The following NID1 variants were observed in gnomAD, a reference collection of about 807,000 sequenced individuals.
NID1 encodes nidogen-1.
NID1 carries 76 observed loss-of-function variants against 130.6 expected under a neutral mutation model. The ratio of observed to expected loss-of-function variants is 0.58; its 90% CI spans 0.48 to 0.70. The LOEUF is 0.70. Ranked by LOEUF, NID1 falls within the 30% of genes least tolerant of loss-of-function variation. The pLI, the probability that NID1 is intolerant of heterozygous loss-of-function variation, is 0.00. For synonymous variants in NID1, 665 were observed against 675.1 expected, an observed-to-expected ratio of 0.98 and a Z score of 0.23; for missense variants, 1,517 against 1,664.8, an observed-to-expected ratio of 0.91 and a Z score of 1.54.
chr1:236,051,247 C>T lies in NID1; in HGVS notation c.226-2258G>A, dbSNP rs1445199938. Among the ~76,000 whole-genome samples the T allele has an allele frequency of 5.3e-5, 8 of 150,328 alleles. No homozygotes were observed. In the South Asian group the frequency reaches 1.7e-3, roughly 32 times the overall value. On this transcript the variant is annotated intron_variant, in intron 1 of 19. Coordinates refer to ENST00000264187, the MANE Select transcript of NID1 (RefSeq NM_002508.3). The stretch of plus-strand genomic sequence containing the variant: ...AGTGGATTTTCCAGGCCACTTATTT[C>T]CCTCCCCCTCCCCCTGCCCCTCCCC...
Position 235,977,439 on chromosome 1 carries a change from G to A in NID1, c.*428C>T, listed in dbSNP as rs873. On this transcript the variant is annotated 3_prime_UTR_variant, in exon 20 of 20. Coordinates refer to ENST00000264187, the MANE Select transcript of NID1 (RefSeq NM_002508.3). ...TCCCAACTTTTCCTAGTCAGGCCCC[G>A]GCTCATAGGTCAAGGAGCTGACAGG... The A allele has an allele frequency of 0.2, 31,215 of 158,250 alleles. 3,695 individuals are homozygous for A. Among genetic ancestry groups the A allele is most frequent in the East Asian group, 0.62 (3,287 of 5,312 alleles). 9.8% of individuals were successfully genotyped at this position (158,250 alleles called of 1,614,324 possible). A position where few individuals can be genotyped will look rare whatever the true frequency, so the allele number is the denominator to read the frequency against.
At chr1:236,013,815 T>G (rs1373641879) in intron 10 of NID1, among the ~76,000 whole-genome samples, 1 of 152,144 alleles carries the variant, frequency 6.6e-6, no homozygotes, top group African/African-American at 2.4e-5. Context: ...TGACCTCAGT[T>G]TCACTCTGGG....
At chr1:236,052,383 A>C (rs1659783866) in intron 1 of NID1, among the ~76,000 whole-genome samples, 1 of 152,172 alleles carries the variant, frequency 6.6e-6, no homozygotes, top group Admixed American at 6.5e-5. Context: ...CTCAGGCACA[A>C]TCCCCAAGGG....
intron 9 of NID1, among the ~76,000 whole-genome samples, chr1:236,020,823 C>T (rs370141756): frequency 2.0e-5 from 3 of 152,184 alleles, no homozygotes; most frequent in East Asian, 3.8e-4. Context: ...TCGCATTCCA[C>T]GGAGGTAATA....
rs750322330 is a variant in NID1 at position 236,041,956 on chromosome 1, C to T, written c.1089G>A (p.Gln363=). 3.1e-6 allele frequency: 5 copies of T among 1,613,944 alleles called. No homozygotes were observed. Among genetic ancestry groups the T allele is most frequent in the Non-Finnish European group, 4.2e-6 (5 of 1,179,926 alleles). Residue 363 remains glutamine, a synonymous_variant, in exon 4 of 20, where the codon CAG becomes CAA. Coordinates refer to ENST00000264187, the MANE Select transcript of NID1 (RefSeq NM_002508.3). ...CATCCACATCTATGACCTGAGGGTGCTGCTGGTGAAAAGTCTCCACTGCCA... is the reference window on the plus strand; with the variant it reads ...CATCCACATCTATGACCTGAGGGTGTTGCTGGTGAAAAGTCTCCACTGCCA... ...FQLAVETFHQ[Q]HPQVIDVDEV...
At chr1:236,016,926 C>T (rs182559435) in intron 10 of NID1, among the ~76,000 whole-genome samples, 3 of 152,238 alleles carry the variant, frequency 2.0e-5, no homozygotes, top group South Asian at 2.1e-4. Context: ...ACAGGTGAGG[C>T]GATGGTATTA....
intron 5 of NID1, among the ~76,000 whole-genome samples, chr1:236,034,507 A>G (rs1397766303): frequency 6.6e-6 from 1 of 152,196 alleles, no homozygotes; most frequent in African/African-American, 2.4e-5. Flanking sequence ...CCTTGAAATC[A>G]TCATCATGCT....
At chr1:236,039,007 ATAAT>A (rs998946517) in intron 4 of NID1, among the ~76,000 whole-genome samples, 5 of 110,300 alleles carry the variant, frequency 4.5e-5, no homozygotes, top group African/African-American at 7.4e-5. Flanking sequence ...ATGTAAATAT[ATAAT>A]ATATATTTAC....
At chr1:236,062,820 C>T (rs1291864307) in intron 1 of NID1, among the ~76,000 whole-genome samples, 1 of 151,952 alleles carries the variant, frequency 6.6e-6, no homozygotes, top group East Asian at 1.9e-4. Flanking sequence ...CCTGAACTGC[C>T]CTTGGATCCA....
chr1:236,051,257 CCCCCTG>C (rs1162259661), intron 1 of NID1, among the ~76,000 whole-genome samples: 1 of 146,536 alleles, frequency 6.8e-6, no homozygotes, highest in East Asian at 2.1e-4. Flanking sequence ...CCCTCCCCCT[CCCCCTG>C]CCCCTCCCCC....
At chr1:235,986,563 A>G (rs1286895334) in intron 14 of NID1, among the ~76,000 whole-genome samples, 1 of 152,176 alleles carries the variant, frequency 6.6e-6, no homozygotes, top group East Asian at 1.9e-4. Context: ...AATAAGGTTA[A>G]ATGTAAACAA....
chr1:235,983,625 A>G (rs1447932541), intron 15 of NID1, among the ~76,000 whole-genome samples: 2 of 152,166 alleles, frequency 1.3e-5, no homozygotes, highest in East Asian at 3.9e-4. Context: ...AGCTCCGTGC[A>G]TATTGTCTCC....
chr1:236,021,323 G>A (rs1022436554), intron 9 of NID1, among the ~76,000 whole-genome samples: 1 of 152,154 alleles, frequency 6.6e-6, no homozygotes, highest in Non-Finnish European at 1.5e-5. Flanking sequence ...CTAGCGATAC[G>A]TTACCAGGAA....
intron 1 of NID1, among the ~76,000 whole-genome samples, chr1:236,052,852 G>A (rs1444952146): frequency 2.0e-5 from 3 of 152,172 alleles, no homozygotes; most frequent in African/African-American, 4.8e-5. Flanking sequence ...TGCTGGGATG[G>A]GCTCTGGCCA....
At chr1:236,021,084 G>A (rs1049328689) in intron 9 of NID1, among the ~76,000 whole-genome samples, 3 of 152,208 alleles carry the variant, frequency 2.0e-5, no homozygotes, top group African/African-American at 7.2e-5. Flanking sequence ...GGAGGCTTAC[G>A]AAGTTGAAGC....
intron 13 of NID1, 126 bp downstream of exon 13, chr1:235,993,519 G>GTTCCAC (rs760531165): frequency 5.2e-5 from 45 of 859,964 alleles, no homozygotes; most frequent in Non-Finnish European, 7.8e-5. Context: ...AGGAGCGGGT[G>GTTCCAC]GGGCTGGAGC....
At chr1:236,021,277 T>C (rs1002991657) in intron 9 of NID1, among the ~76,000 whole-genome samples, 1 of 152,202 alleles carries the variant, frequency 6.6e-6, no homozygotes, top group African/African-American at 2.4e-5. Context: ...ACTGGGAAAC[T>C]GACGATTGCA....
chr1:235,989,171 C>T (rs908137940), intron 14 of NID1, among the ~76,000 whole-genome samples: 2 of 150,842 alleles, frequency 1.3e-5, no homozygotes, highest in African/African-American at 4.9e-5. Flanking sequence ...ATTCTTGTGC[C>T]TCAGGCTCCC....
chr1:236,021,409 C>T (rs1237647055), intron 9 of NID1, among the ~76,000 whole-genome samples: 5 of 152,214 alleles, frequency 3.3e-5, no homozygotes, highest in East Asian at 1.9e-4. Context: ...CTGCACTATG[C>T]GCACAAGTTC....
Sources: gnomAD v4.1 joint callset for allele counts (sites outside exome capture counted in the v4.1 genomes callset) on GRCh38, gnomAD v4.1.1 for gene constraint, MANE v1.5 for transcripts, NCBI Gene and HGNC (gene_info 2026-07-23, HGNC 2026-07-21) for gene names.